GGT5: variants seen among roughly 807,000 people sequenced by gnomAD.
GGT5 encodes gamma-glutamyltransferase 5.
A neutral mutation model predicts 58.1 loss-of-function variants in GGT5; 50 were observed. That is an observed-to-expected ratio of 0.86 (90% confidence interval 0.69 to 1.09). The LOEUF (loss-of-function observed/expected upper bound fraction) is 1.09. GGT5 is among the 50% of genes least tolerant of loss of function. The pLI, the probability that GGT5 is intolerant of heterozygous loss-of-function variation, is 0.00. For missense variants in GGT5, 800 were observed against 789.4 expected (o/e 1.01, Z -0.16); for synonymous variants, 370 against 346.1 (o/e 1.07, Z -0.77).
At position 24,232,218 on chromosome 22, in the gene GGT5, G is replaced by A. The variant is rs749117023; in HGVS notation, c.597-10C>T. 7 of 1,436,158 alleles carry A rather than the reference G, an allele frequency of 4.9e-6. No individual in the cohort carries two copies. The highest frequency in any genetic ancestry group is 6.6e-6 in the Non-Finnish European group (7 of 1,067,650). 89.0% of individuals were successfully genotyped at this position (1,436,158 alleles called of 1,614,324 possible). A position where few individuals can be genotyped will look rare whatever the true frequency, so the allele number is the denominator to read the frequency against. On this transcript the variant is annotated splice_polypyrimidine_tract_variant and intron_variant, in intron 4 of 11. Transcript: ENST00000327365. ...GTTGAAGAAGAGCTGGCTGGGGGGT[G>A]GGGGGAGCCTCAGGGTGGGGCCAGG...
In GGT5 at chr22:24,231,438, G is replaced by T; in HGVS notation, c.847C>A (p.Pro283Thr). The change falls in exon 6 of 12, where the codon CCA (proline) becomes ACA (threonine). Residue 283 changes from proline to threonine, a missense_variant. By Grantham distance (38) the Pro-to-Thr change is conservative. Coordinates refer to ENST00000327365, the MANE Select transcript of GGT5 (RefSeq NM_004121.5). ...ATGGCACCCCCTGCAGGCGGCGGTG[G>T]TGAGTACAGGGTATAGTCCCCCAGG... Reference protein sequence around the residue: ...VPLGDYTLYSPPPPAGGAILS... With the variant: ...VPLGDYTLYSTPPPAGGAILS... The T allele has an allele frequency of 9.6e-6, 15 of 1,561,762 alleles. No individual in the cohort carries two copies. In the South Asian group the frequency reaches 1.5e-4, roughly 16 times the overall value.
chr22:24,244,654 C>A lies in GGT5; in HGVS notation c.72G>T (p.Val24=). ...GGTGTCGAGAGAGGACCACAGCCAG[C>A]ACAATGACAGCCAGCGCCAGCCCCA... ...LGLGLALAVI[V]LAVVLSRHQA... Residue 24 remains valine (V), a synonymous_variant, in exon 1 of 12, where the codon GTG becomes GTT. Coordinates refer to ENST00000327365, the MANE Select transcript of GGT5 (RefSeq NM_004121.5). 6.2e-7 allele frequency: 1 copy of A among 1,612,876 alleles called. No homozygotes were observed.
intron 11 of GGT5, chr22:24,220,594 AAAAAAT>A (rs1467610136): frequency 1.5e-5 from 7 of 453,928 alleles, no homozygotes; most frequent in Middle Eastern, 7.6e-4. Context: ...TCTAAAAAAT[AAAAAAT>A]AAGAAATAAA....
At position 24,233,791 on chromosome 22, in the gene GGT5, G is replaced by A; in HGVS notation, c.304+83C>T. 15 of 1,379,692 alleles carry A rather than the reference G, an allele frequency of 1.1e-5. No homozygotes were observed. In the South Asian group the frequency reaches 1.5e-4, roughly 14 times the overall value. 85.5% of individuals were successfully genotyped at this position (1,379,692 alleles called of 1,614,324 possible). ...CAAGAACACCCAGAAACGGGCTTGAGTTGATGGGACTGGCTGGAGAAGGGG... is the reference window on the plus strand; with the variant it reads ...CAAGAACACCCAGAAACGGGCTTGAATTGATGGGACTGGCTGGAGAAGGGG... On this transcript the variant is annotated intron_variant, in intron 2 of 11. Coordinates refer to ENST00000327365, the MANE Select transcript of GGT5 (RefSeq NM_004121.5).
chr22:24,223,089 CA>C (rs200948476), intron 11 of GGT5, among the ~76,000 whole-genome samples: 4 of 139,544 alleles, frequency 2.9e-5, no homozygotes, highest in Admixed American at 1.4e-4. Flanking sequence ...GACTCCGTCT[CA>C]AAAAAAAGAA....
chr22:24,237,734 G>A (rs1168538391), intron 1 of GGT5, among the ~76,000 whole-genome samples: 1 of 151,950 alleles, frequency 6.6e-6, no homozygotes, highest in Non-Finnish European at 1.5e-5. Flanking sequence ...ATACTCTCCA[G>A]TGCCAAATTA....
chr22:24,229,391 G>A (rs2047873462), intron 6 of GGT5, among the ~76,000 whole-genome samples: 1 of 151,710 alleles, frequency 6.6e-6, no homozygotes, highest in African/African-American at 2.4e-5. Context: ...TGGCGACAGA[G>A]CGAGACTCTG....
chr22:24,224,928 G>T, intron 11 of GGT5, 68 bp downstream of exon 11: 1 of 985,848 alleles, frequency 1.0e-6, no homozygotes. Context: ...CCTCCCAGGT[G>T]GCTTTGAGCA....
rs1556043413 is a variant in GGT5, at chr22:24,238,958, A to AAT, written c.174-4956_174-4955dup. Among the ~76,000 whole-genome samples, 11 of 24,300 alleles carry AAT rather than the reference A, an allele frequency of 4.5e-4. 1 individual carries two copies. The Admixed American group carries it at 5.7e-3, about 13-fold the overall frequency. The allele number at this position is 24,300 out of a possible 152,430, so 15.9% of individuals were successfully genotyped here. On this transcript the variant is annotated intron_variant, in intron 1 of 11. Coordinates refer to ENST00000327365, the MANE Select transcript of GGT5 (RefSeq NM_004121.5). ...TTATATAATATATATATATATATATAATATATATATAGCCCATGACACAGT... is the reference window on the plus strand; with the variant it reads ...TTATATAATATATATATATATATATAATATATATATATAGCCCATGACACAGT...
chr22:24,231,320 A>T, intron 6 of GGT5, 64 bp downstream of exon 6: 2 of 1,126,126 alleles, frequency 1.8e-6, no homozygotes, highest in Non-Finnish European at 2.4e-6. Context: ...TTGGAGTCTG[A>T]GTTCCCGGGG....
At chr22:24,238,618 C>T (rs1341593596) in intron 1 of GGT5, among the ~76,000 whole-genome samples, 1 of 135,708 alleles carries the variant, frequency 7.4e-6, no homozygotes, top group Admixed American at 8.1e-5. Context: ...ACAGGAGAAT[C>T]ACTTGAACCC....
At chr22:24,234,334 T>A (rs1569366849) in intron 1 of GGT5, among the ~76,000 whole-genome samples, 1 of 152,158 alleles carries the variant, frequency 6.6e-6, no homozygotes, top group East Asian at 1.9e-4. Flanking sequence ...CTCGGCCACC[T>A]CTCAGTCCCT....
At chr22:24,232,008 T>A (rs1484361551) in intron 5 of GGT5, 43 bp downstream of exon 5, 2 of 1,569,668 alleles carry the variant, frequency 1.3e-6, no homozygotes, top group Non-Finnish European at 1.8e-6. Context: ...AACTTGGCTC[T>A]TCCTCCAGCA....
In GGT5 at chr22:24,222,802, G is replaced by A. The variant is rs1393569712; in HGVS notation, c.1614+2194C>T. On this transcript the variant is annotated intron_variant, in intron 11 of 11. Transcript: ENST00000327365. ...AGTCAAGAGTCAAGGGAGGGGCCGG[G>A]CGCGGTGGCTCACGCCTATAATCCC... 2.0e-5 allele frequency among the ~76,000 whole-genome samples: 3 copies of A among 152,068 alleles called. No individual in the cohort carries two copies. The East Asian group carries it at 5.8e-4, about 30-fold the overall frequency.
rs376018889 is a variant in GGT5 at position 24,233,557 on chromosome 22, G to C, written c.341C>G (p.Pro114Arg). Residue 114 changes from proline to arginine, a missense_variant, in exon 3 of 12, where the codon CCG (proline) becomes CGG (arginine). Pro to Arg is a moderately radical substitution (Grantham distance 103). Coordinates refer to ENST00000327365, the MANE Select transcript of GGT5 (RefSeq NM_004121.5). The stretch of plus-strand genomic sequence containing the variant: ...CAGCAGGCTCGGGGCGTGGCTGGCC[G>C]GCACCGTCTCCCGGGCATTGATGAC... ...VEVINARETV[P>R]ASHAPSLLDQ... The C allele has an allele frequency of 6.2e-7, 1 of 1,609,374 alleles. No homozygotes were observed. Among genetic ancestry groups the C allele is most frequent in the South Asian group, 1.1e-5 (1 of 90,858 alleles).
intron 1 of GGT5, among the ~76,000 whole-genome samples, chr22:24,239,140 C>T (rs1159743605): frequency 6.8e-6 from 1 of 146,752 alleles, no homozygotes; most frequent in Non-Finnish European, 1.5e-5. Context: ...GAGATCGAGA[C>T]CATCCTGGCT....
At chr22:24,223,208 C>T (rs1415109131) in intron 11 of GGT5, among the ~76,000 whole-genome samples, 1 of 152,130 alleles carries the variant, frequency 6.6e-6, no homozygotes, top group Non-Finnish European at 1.5e-5. Context: ...TCAAGACCAG[C>T]CTGGCCAACA....
At chr22:24,225,936 T>C in intron 8 of GGT5, 140 bp downstream of exon 8, 1 of 667,248 alleles carries the variant, frequency 1.5e-6, no homozygotes, top group Non-Finnish European at 2.5e-6. Context: ...GGTGGGGGCC[T>C]CTTTTGAAAT....
At position 24,244,719 on chromosome 22, in the gene GGT5, G is replaced by A. The variant is rs187140490; in HGVS notation, c.7C>T (p.Arg3Trp). 27 of 1,608,726 alleles carry A rather than the reference G, an allele frequency of 1.7e-5. No homozygotes were observed. The highest frequency in any genetic ancestry group is 1.3e-4 in the Admixed American group (8 of 59,412). The part of the protein sequence containing the change: MA[R>W]GYGATVSLVL... ...AGGCTGACCGTGGCCCCGTAGCCCC[G>A]GGCCATGGCTCTGCAGCCCAGGAGG... The change falls in exon 1 of 12, where the codon CGG (arginine) becomes TGG (tryptophan). Residue 3 changes from arginine to tryptophan, a missense_variant. Arg to Trp is a moderately radical substitution (Grantham distance 101). Coordinates refer to ENST00000327365, the MANE Select transcript of GGT5 (RefSeq NM_004121.5).
Sources: allele counts gnomAD v4.1 joint callset (sites outside exome capture counted in the v4.1 genomes callset), GRCh38; gene constraint gnomAD v4.1.1; transcripts MANE v1.5; gene names NCBI Gene and HGNC (gene_info 2026-07-23, HGNC 2026-07-21).